Variants in SIAE observed in about 807,000 individuals in gnomAD.
SIAE encodes the protein sialic acid acetylesterase, also known as sialate O-acetylesterase.
A neutral mutation model predicts 52.6 loss-of-function variants in SIAE; 39 were observed. The observed-to-expected ratio is 0.74, with a 90% CI of 0.57 to 0.97. The LOEUF is 0.97. Among genes scored for constraint, SIAE ranks in the 50% least tolerant of loss-of-function variants. The pLI is 0.00. For synonymous variants in SIAE, 233 were observed against 241.4 expected (o/e 0.97, Z 0.32); for missense variants, 592 against 662.1 (o/e 0.89, Z 1.16).
chr11:124,646,444 T>C (rs1285234313), intron 7 of SIAE, among the ~76,000 whole-genome samples: 1 of 152,106 alleles, frequency 6.6e-6, no homozygotes, highest in Non-Finnish European at 1.5e-5. Context: ...TCCTAACTAA[T>C]ATGTAGGCTG....
At chr11:124,655,189 T>TTTTTTG (rs1324577651) in intron 3 of SIAE, among the ~76,000 whole-genome samples, 14 of 150,366 alleles carry the variant, frequency 9.3e-5, no homozygotes, top group African/African-American at 3.5e-4. Flanking sequence ...TTTTTTTTTT[T>TTTTTTG]TGTGTGTGAG....
At chr11:124,639,684 A>T (rs1483970945) in intron 8 of SIAE, 26 bp downstream of exon 8, 11 of 1,613,834 alleles carry the variant, frequency 6.8e-6, no homozygotes, top group Non-Finnish European at 9.3e-6. Flanking sequence ...TACACTGTTC[A>T]TGCAAAGCCC....
intron 2 of SIAE, among the ~76,000 whole-genome samples, chr11:124,667,656 C>G (rs1943291277): frequency 6.6e-6 from 1 of 152,160 alleles, no homozygotes; most frequent in East Asian, 1.9e-4. Context: ...TGTACCTGAA[C>G]TCCACCTCCA....
chr11:124,673,342 C>T (rs1019129407), intron 1 of SIAE, among the ~76,000 whole-genome samples: 2 of 152,198 alleles, frequency 1.3e-5, no homozygotes, highest in African/African-American at 4.8e-5. Flanking sequence ...CTCCAGGACC[C>T]CGAAGGCCTC....
chr11:124,639,926 T>G, intron 7 of SIAE, 59 bp from the exon 8 acceptor site: 1 of 1,583,552 alleles, frequency 6.3e-7, no homozygotes. Flanking sequence ...GGAGTCTTTT[T>G]CACTGGCAGA....
Position 124,645,406 on chromosome 11 carries a change from A to G in SIAE, c.966+1959T>C, listed in dbSNP as rs1942917276. 6.6e-6 allele frequency among the ~76,000 whole-genome samples: 1 copy of G among 151,686 alleles called. No individual in the cohort carries two copies. Among genetic ancestry groups the G allele is most frequent in the Admixed American group, 6.6e-5 (1 of 15,212 alleles). ...AATCTACGCCTCCTGGGTTCAAGCGATTCTCCTGCCTCAGCCTCCAGAGTA... is the reference window on the plus strand; with the variant it reads ...AATCTACGCCTCCTGGGTTCAAGCGGTTCTCCTGCCTCAGCCTCCAGAGTA... On this transcript the variant is annotated intron_variant, in intron 7 of 9. Coordinates refer to ENST00000263593, the MANE Select transcript of SIAE (RefSeq NM_170601.5). This position sits in a 1 kb window ranked among gnomAD's most constrained non-coding sequence, Gnocchi z 4.7.
At position 124,645,782 on chromosome 11, in the gene SIAE, G is replaced by A. The variant is rs1942922764; in HGVS notation, c.966+1583C>T. Among the ~76,000 whole-genome samples the A allele has an allele frequency of 6.6e-6, 1 of 152,224 alleles. No individual in the cohort carries two copies. Among genetic ancestry groups the A allele is most frequent in the African/African-American group, 2.4e-5 (1 of 41,438 alleles). On this transcript the variant is annotated intron_variant, in intron 7 of 9. Transcript: ENST00000263593. This position sits in a 1 kb window ranked among gnomAD's most constrained non-coding sequence, Gnocchi z 4.7. ...CAACAGGGATGCAGAACTGGTGACA[G>A]GAGCTGCTACTTTGAAAATAATGAG...
intron 4 of SIAE, 124 bp downstream of exon 4, chr11:124,654,531 A>G: frequency 6.3e-7 from 1 of 1,597,020 alleles, no homozygotes; most frequent in Non-Finnish European, 8.5e-7. Flanking sequence ...AAGAGTCAAT[A>G]AGAAAGGAAT....
rs781545879 is a variant in SIAE, at chr11:124,637,135, G to T, written c.1388C>A (p.Ser463Tyr). ...ACAAGAATCGATCGCCAGGGTCAGG[G>T]ACTGGGTGGAGACGGTGTTCATAGA... ...PASMNTVSTQ[S>Y]LTLAIDSCHG... The change falls in exon 10 of 10, where the codon TCC (serine) becomes TAC (tyrosine). Residue 463 changes from serine (S) to tyrosine (Y), a missense_variant. Ser to Tyr is a moderately radical substitution (Grantham distance 144). Coordinates refer to ENST00000263593, the MANE Select transcript of SIAE (RefSeq NM_170601.5). 1 of 1,614,174 alleles carries T rather than the reference G, an allele frequency of 6.2e-7. No homozygotes were observed. Among genetic ancestry groups the T allele is most frequent in the South Asian group, 1.1e-5 (1 of 91,082 alleles).
chr11:124,669,884 C>T (rs984150764), intron 1 of SIAE, among the ~76,000 whole-genome samples: 1 of 152,134 alleles, frequency 6.6e-6, no homozygotes, highest in Non-Finnish European at 1.5e-5. Context: ...TTTCATGCAC[C>T]TATAGATGGT....
In SIAE at chr11:124,641,977, A is replaced by AG. The variant is rs1477698499; in HGVS notation, c.967-2111_967-2110insC. On this transcript the variant is annotated intron_variant, in intron 7 of 9. Coordinates refer to ENST00000263593, the MANE Select transcript of SIAE (RefSeq NM_170601.5). ...TCCATCTCAAAAAAAAAAAAAAAAA[A>AG]AAAAGAAACCAAAATAAAGGACTTA... Among the ~76,000 whole-genome samples the AG allele has an allele frequency of 3.5e-3, 532 of 151,494 alleles. 4 individuals carry two copies. Among genetic ancestry groups the AG allele is most frequent in the African/African-American group, 0.012 (495 of 41,306 alleles).
At chr11:124,657,160 C>T (rs1215968643) in intron 3 of SIAE, among the ~76,000 whole-genome samples, 1 of 152,166 alleles carries the variant, frequency 6.6e-6, no homozygotes, top group Non-Finnish European at 1.5e-5. Context: ...GACTGGTCTT[C>T]CCATTCTCAG....
chr11:124,665,120 T>C (rs1943255080), intron 2 of SIAE, among the ~76,000 whole-genome samples: 1 of 152,238 alleles, frequency 6.6e-6, no homozygotes, highest in Admixed American at 6.5e-5. Context: ...CTATAGCCTG[T>C]GGTGGCAGAC....
Position 124,649,762 on chromosome 11 carries a change from T to G in SIAE, c.579A>C (p.Ser193=). The G allele has an allele frequency of 6.2e-7, 1 of 1,614,212 alleles. No homozygotes were observed. Among genetic ancestry groups the G allele is most frequent in the Non-Finnish European group, 8.5e-7 (1 of 1,180,032 alleles). The change falls in exon 5 of 10, where the codon TCA becomes TCC. Residue 193 remains serine, a synonymous_variant. Transcript: ENST00000263593. ...GACGTCCAAAGAGCCAGCACACTGCTGACATGTACTTGAAATATCCATGGC... is the reference window on the plus strand; with the variant it reads ...GACGTCCAAAGAGCCAGCACACTGCGGACATGTACTTGAAATATCCATGGC... ...NLGHGYFKYM[S]AVCWLFGRHL... is the part of the protein sequence containing the mutation.
chr11:124,649,610 C>A lies in SIAE; in HGVS notation c.722+9G>T. ...AGGCTCTTTCTCAGACTGGAGAATG[C>A]TGTCTTACCCTTGTTTAGGGACCCC... On this transcript the variant is annotated intron_variant, in intron 5 of 9. Transcript: ENST00000263593. The A allele has an allele frequency of 6.2e-7, 1 of 1,613,796 alleles. No homozygotes were observed. Among genetic ancestry groups the A allele is most frequent in the South Asian group, 1.1e-5 (1 of 91,056 alleles).
At chr11:124,644,353 G>GA (rs370589585) in intron 7 of SIAE, among the ~76,000 whole-genome samples, 26,840 of 101,412 alleles carry the variant, frequency 0.26, 3,374 homozygotes, top group East Asian at 0.48. Context: ...TCTGTGGTGA[G>GA]AAAAAAAAAA....
rs767441681 is a variant in SIAE at position 124,649,815 on chromosome 11, A to G, written c.545-19T>C. On this transcript the variant is annotated intron_variant, in intron 4 of 9. Coordinates refer to ENST00000263593, the MANE Select transcript of SIAE (RefSeq NM_170601.5). ...AAGTTTTCTGTTCAGAGAAATGGTTAAAGAAAAAGAGCCAGAGAAAGGTTG... is the reference window on the plus strand; with the variant it reads ...AAGTTTTCTGTTCAGAGAAATGGTTGAAGAAAAAGAGCCAGAGAAAGGTTG... The G allele has an allele frequency of 3.7e-6, 6 of 1,613,866 alleles. No individual in the cohort carries two copies. In the South Asian group the frequency reaches 5.5e-5, roughly 15 times the overall value.
chr11:124,668,466 A>C (rs1483678977), intron 2 of SIAE, among the ~76,000 whole-genome samples: 1 of 152,228 alleles, frequency 6.6e-6, no homozygotes, highest in East Asian at 1.9e-4. Flanking sequence ...AGTATCGGGC[A>C]CATAGTAGGC....
At chr11:124,668,283 C>T (rs888320976) in intron 2 of SIAE, among the ~76,000 whole-genome samples, 8 of 152,268 alleles carry the variant, frequency 5.3e-5, no homozygotes, top group Middle Eastern at 3.4e-3. Context: ...CCTCAGACTA[C>T]GTAATTATCC....
Sources: gnomAD v4.1 joint callset for allele counts (sites outside exome capture counted in the v4.1 genomes callset) on GRCh38, gnomAD v4.1.1 for gene constraint, Gnocchi (gnomAD v3.1) non-coding constraint, MANE v1.5 for transcripts, NCBI Gene and HGNC (gene_info 2026-07-23, HGNC 2026-07-21) for gene names.